SUN2: variants seen among roughly 807,000 people sequenced by gnomAD.
SUN2 encodes the protein SUN domain-containing protein 2.
Under a neutral mutation model 100.0 loss-of-function variants are expected in SUN2, and 60 were observed. The ratio of observed to expected loss-of-function variants is 0.60; its 90% CI spans 0.49 to 0.74. SUN2 has a LOEUF of 0.74. SUN2 is among the 30% of genes least tolerant of loss of function. SUN2 has a pLI of 0.00. For missense variants in SUN2, 834 were observed against 954.6 expected (o/e 0.87, Z 1.66); for synonymous variants, 367 against 403.3 (o/e 0.91, Z 1.08).
chr22:38,749,855 C>A lies in SUN2; in HGVS notation c.525G>T (p.Arg175=), dbSNP rs1350730856. 2.5e-6 allele frequency: 4 copies of A among 1,612,878 alleles called. No individual in the cohort carries two copies. Among genetic ancestry groups the A allele is most frequent in the Non-Finnish European group, 3.4e-6 (4 of 1,179,592 alleles). The change falls in exon 6 of 18, where the codon CGG becomes CGT. Residue 175 remains arginine (R), a synonymous_variant. Coordinates refer to ENST00000689035, the MANE Select transcript of SUN2 (RefSeq NM_015374.3). ...LLWMVATSPG[R]LFRLLYWWAG... ...CCCACCAGTAGAGAAGTCTGAAGAG[C>A]CGGCCTGGAAGAATGACCATCAAGC...
At chr22:38,746,394 C>T (rs2092903619) in intron 7 of SUN2, among the ~76,000 whole-genome samples, 2 of 152,258 alleles carry the variant, frequency 1.3e-5, no homozygotes, top group South Asian at 4.1e-4. Context: ...GTTTTCAGGG[C>T]CATCTGTTTG....
Position 38,738,375 on chromosome 22 carries a change from T to C in SUN2, c.1948-110A>G. 1 of 1,142,578 alleles carries C rather than the reference T, an allele frequency of 8.8e-7. No individual in the cohort carries two copies. The highest frequency in any genetic ancestry group is 1.3e-6 in the Non-Finnish European group (1 of 792,682). The allele number at this position is 1,142,578 out of a possible 1,614,324, so 70.8% of individuals were successfully genotyped here. On this transcript the variant is annotated intron_variant, in intron 16 of 17. Coordinates refer to ENST00000689035, the MANE Select transcript of SUN2 (RefSeq NM_015374.3). This position sits in a 1 kb window ranked among gnomAD's most constrained non-coding sequence, Gnocchi z 6.6. ...GCAGGTCAGGCACCAGAGTGGCCTA[T>C]GACAAGTCACTTCACTCTCTTGTGC... is the stretch of plus-strand genomic sequence containing the variant.
chr22:38,741,290 G>A (rs73884512), intron 10 of SUN2, among the ~76,000 whole-genome samples: 7,213 of 152,194 alleles, frequency 0.047, 593 homozygotes, highest in African/African-American at 0.17. Context: ...ATGACAGGCC[G>A]CTGTGCCCTG....
rs1309823586 is a variant in SUN2, at chr22:38,752,545, A to AG, written c.83dup (p.Gly29TrpfsTer8). 1 of 1,613,848 alleles carries AG rather than the reference A, an allele frequency of 6.2e-7. No individual in the cohort carries two copies. The highest frequency in any genetic ancestry group is 1.7e-5 in the Admixed American group (1 of 60,002). Reference sequence around the variant, plus strand: ...CTTTAAACAGGGTGCTCTGACTCCCAGCCACCGAGCTCCCTCCGCTGCTGC... The same window carrying AG: ...CTTTAAACAGGGTGCTCTGACTCCCAGGCCACCGAGCTCCCTCCGCTGCTGC... On this transcript the variant is annotated frameshift_variant, in exon 2 of 18. Transcript: ENST00000689035. LOFTEE classifies it high-confidence loss of function.
Position 38,739,050 on chromosome 22 carries a change from T to C in SUN2, c.1664-62A>G, listed in dbSNP as rs1795276437. On this transcript the variant is annotated intron_variant, in intron 14 of 17. Transcript: ENST00000689035. This position sits in a 1 kb window ranked among gnomAD's most constrained non-coding sequence, Gnocchi z 6.7. ...CGGGAGGAGGGCCCCGCTCAGGCCA[T>C]TGGCTGTCTCCTCGCTGAAGGTGGA... 40 of 1,497,238 alleles carry C rather than the reference T, an allele frequency of 2.7e-5. No homozygotes were observed. Among genetic ancestry groups the C allele is most frequent in the Non-Finnish European group, 3.2e-5 (35 of 1,095,978 alleles). The allele number at this position is 1,497,238 out of a possible 1,614,324, so 92.7% of individuals were successfully genotyped here.
chr22:38,751,512 T>C (rs547673647), intron 2 of SUN2, 139 bp from the exon 3 acceptor site: 16 of 802,762 alleles, frequency 2.0e-5, no homozygotes, highest in Non-Finnish European at 3.1e-5. Context: ...CAGCTGCCAT[T>C]CCCCTGACTC....
intron 10 of SUN2, 53 bp downstream of exon 10, chr22:38,741,441 T>G: frequency 6.4e-7 from 1 of 1,568,352 alleles, no homozygotes; most frequent in South Asian, 1.1e-5. Context: ...GGTGAACATG[T>G]TGGATGGGGT....
Position 38,748,790 on chromosome 22 carries a change from C to T in SUN2, c.615-7G>A. On this transcript the variant is annotated splice_region_variant and splice_polypyrimidine_tract_variant and intron_variant, in intron 6 of 17. Coordinates refer to ENST00000689035, the MANE Select transcript of SUN2 (RefSeq NM_015374.3). The stretch of plus-strand genomic sequence containing the variant: ...CTTCAGGGACGAGAAGCGCCTGGAC[C>T]ACGCGGGAGGGCAGGACGGGGGAGG... 1 of 1,614,184 alleles carries T rather than the reference C, an allele frequency of 6.2e-7. No individual in the cohort carries two copies. The highest frequency in any genetic ancestry group is 8.5e-7 in the Non-Finnish European group (1 of 1,180,024).
At position 38,741,479 on chromosome 22, in the gene SUN2, C is replaced by T. The variant is rs189836997; in HGVS notation, c.1146+15G>A. ...GGACCCAGTCACAGGCCCTGAGTGCCGCAAGCCCGCTGACCTGGGAGGCCC... is the reference window on the plus strand; with the variant it reads ...GGACCCAGTCACAGGCCCTGAGTGCTGCAAGCCCGCTGACCTGGGAGGCCC... On this transcript the variant is annotated intron_variant, in intron 10 of 17. Coordinates refer to ENST00000689035, the MANE Select transcript of SUN2 (RefSeq NM_015374.3). The T allele has an allele frequency of 1.9e-5, 31 of 1,613,388 alleles. 1 individual carries two copies. Among genetic ancestry groups the T allele is most frequent in the African/African-American group, 1.9e-4 (14 of 75,034 alleles).
rs143685496 is a variant in SUN2, at chr22:38,741,038, G to A, written c.1159C>T (p.Arg387Cys). 1 of 1,597,796 alleles carries A rather than the reference G, an allele frequency of 6.3e-7. No individual in the cohort carries two copies. ...IVRASQESEA[R>C]IQQLKSEWQS... Reference sequence around the variant, plus strand: ...CACTCTGACTTCAGCTGCTGGATGCGAGCCTCGGACTCCTGTGTAGGAAGA... The same window carrying A: ...CACTCTGACTTCAGCTGCTGGATGCAAGCCTCGGACTCCTGTGTAGGAAGA... Residue 387 changes from arginine to cysteine, a missense_variant, in exon 11 of 18, where the codon CGC becomes TGC. Coordinates refer to ENST00000689035, the MANE Select transcript of SUN2 (RefSeq NM_015374.3).
chr22:38,736,383 G>T lies in SUN2; in HGVS notation c.2041-3C>A. On this transcript the variant is annotated splice_polypyrimidine_tract_variant and splice_region_variant and intron_variant, in intron 17 of 17. Transcript: ENST00000689035. ...TGGTACGTGGCCATCGTAGGGGCCT[G>T]GGTAGAGAAGAAAGGGATTAAGAGC... The T allele has an allele frequency of 6.2e-7, 1 of 1,609,858 alleles. No homozygotes were observed.
intron 1 of SUN2, among the ~76,000 whole-genome samples, chr22:38,753,862 C>G (rs776146719): frequency 8.5e-5 from 13 of 152,158 alleles, no homozygotes; most frequent in Non-Finnish European, 1.5e-4. Context: ...CTGGGTCTTT[C>G]TACTCAGGCA....
At chr22:38,736,455 G>A (rs770219543) in intron 17 of SUN2, 75 bp from the exon 18 acceptor site, 1 of 1,296,620 alleles carries the variant, frequency 7.7e-7, no homozygotes, top group Non-Finnish European at 1.1e-6. Context: ...GGGAAGGGGA[G>A]ACAGCCTCGC....
rs573052777 is a variant in SUN2 at position 38,739,494 on chromosome 22, G to A, written c.1579-68C>T. 4.7e-4 allele frequency: 725 copies of A among 1,555,224 alleles called. No homozygotes were observed. The highest frequency in any genetic ancestry group is 5.6e-4 in the South Asian group (50 of 88,736). ...CGTGTCCCCCTGTCACCTCGTGGCC[G>A]TGGGCCAAGGACCCATGGGCTGACC... On this transcript the variant is annotated intron_variant, in intron 13 of 17. Transcript: ENST00000689035. The surrounding 1 kb of genome is among the most constrained non-coding windows in gnomAD (Gnocchi z 6.7).
chr22:38,740,211 C>T lies in SUN2; in HGVS notation c.1356+56G>A, dbSNP rs907439373. On this transcript the variant is annotated intron_variant, in intron 12 of 17. Transcript: ENST00000689035. This position sits in a 1 kb window ranked among gnomAD's most constrained non-coding sequence, Gnocchi z 4.8. The stretch of plus-strand genomic sequence containing the variant: ...GTGCTGCTTTGCAGGCCCCAGGACA[C>T]GTCGTCTCAAAGGAGGAGGAGAGGG... 37 of 1,476,568 alleles carry T rather than the reference C, an allele frequency of 2.5e-5. No homozygotes were observed. The highest frequency in any genetic ancestry group is 8.4e-5 in the African/African-American group (6 of 71,210). The allele number at this position is 1,476,568 out of a possible 1,614,324, so 91.5% of individuals were successfully genotyped here. A position where few individuals can be genotyped will look rare whatever the true frequency, so the allele number is the denominator to read the frequency against.
In SUN2 at chr22:38,739,366, C is replaced by G; in HGVS notation, c.1639G>C (p.Ala547Pro). The G allele has an allele frequency of 6.2e-7, 1 of 1,613,120 alleles. No individual in the cohort carries two copies. The stretch of plus-strand genomic sequence containing the variant: ...CCTCCTGACTCCAGGGCGTAGTCTG[C>G]CAGCCCGATGCGGTCCTCACTGTAG... ...QRYSEDRIGLADYALESGGAS... is the reference protein window; with the variant it reads ...QRYSEDRIGLPDYALESGGAS... Residue 547 changes from alanine to proline, a missense_variant, in exon 14 of 18, where the codon GCA becomes CCA. Transcript: ENST00000689035. This position sits in a 1 kb window ranked among gnomAD's most constrained non-coding sequence, Gnocchi z 6.7.
rs2092867522 is a variant in SUN2 at position 38,742,471 on chromosome 22, T to C, written c.898A>G (p.Lys300Glu). ...AGACGTTCCAGCCGCATGGCCTCCT[T>C]CTGCCAGTTGGAGGAAAATTCAGCA... is the stretch of plus-strand genomic sequence containing the variant. ...LAAEFSSNWQ[K>E]EAMRLERLEL... The change falls in exon 9 of 18, where the codon AAG becomes GAG. Residue 300 changes from lysine (K) to glutamate (E), a missense_variant. Lys to Glu is a moderately conservative substitution (Grantham distance 56). Coordinates refer to ENST00000689035, the MANE Select transcript of SUN2 (RefSeq NM_015374.3). 4.3e-6 allele frequency: 7 copies of C among 1,613,490 alleles called. No individual in the cohort carries two copies. Among genetic ancestry groups the C allele is most frequent in the South Asian group, 2.2e-5 (2 of 91,084 alleles).
Position 38,740,269 on chromosome 22 carries a change from C to T in SUN2, c.1354G>A (p.Asp452Asn), listed in dbSNP as rs147351772. ...LPQQIQAVRDDVESQFPAWIS... is the reference protein window; with the variant it reads ...LPQQIQAVRDNVESQFPAWIS... Reference sequence around the variant, plus strand: ...GGGCCCTGGTGGTTCCCACTCACGTCGTCCCGCACGGCCTGGATCTGCTGG... The same window carrying T: ...GGGCCCTGGTGGTTCCCACTCACGTTGTCCCGCACGGCCTGGATCTGCTGG... The change falls in exon 12 of 18, where the codon GAC (aspartate) becomes AAC (asparagine). Residue 452 changes from aspartate to asparagine, a missense_variant and splice_region_variant. Asp to Asn is a conservative substitution (Grantham distance 23). This residue lies in a region of SUN2 where 559 missense variants were observed against 597.7 expected (regional missense o/e 0.94). Transcript: ENST00000689035. The surrounding 1 kb of genome is among the most constrained non-coding windows in gnomAD (Gnocchi z 4.8). The T allele has an allele frequency of 1.3e-3, 2,003 of 1,576,052 alleles. 12 individuals carry two copies. Among genetic ancestry groups the T allele is most frequent in the Middle Eastern group, 9.1e-3 (41 of 4,502 alleles).
Position 38,752,622 on chromosome 22 carries a change from G to A in SUN2, c.7C>T (p.Arg3Ter), listed in dbSNP as rs148700122. 13 of 1,613,522 alleles carry A rather than the reference G, an allele frequency of 8.1e-6. No individual in the cohort carries two copies. The highest frequency in any genetic ancestry group is 3.3e-5 in the Admixed American group (2 of 59,978). ...TAGCGCGTGAGGCGCTGGCTTCTTC[G>A]GGACATGATGAGGTGGGATGTGGAC... MS[R>*]RSQRLTRYSQ... is the part of the protein sequence containing the mutation. Residue 3 changes from arginine (R) to a stop codon, truncating the protein, a stop_gained, in exon 2 of 18, where the codon CGA becomes TGA. Coordinates refer to ENST00000689035, the MANE Select transcript of SUN2 (RefSeq NM_015374.3). LOFTEE classifies it high-confidence loss of function.
Sources: gnomAD v4.1 joint callset for allele counts (sites outside exome capture counted in the v4.1 genomes callset) on GRCh38, gnomAD v4.1.1 for gene constraint, gnomAD v4.1.1 regional missense constraint, Gnocchi (gnomAD v3.1) non-coding constraint, MANE v1.5 for transcripts, NCBI Gene and HGNC (gene_info 2026-07-23, HGNC 2026-07-21) for gene names.